The following BBS9 variants were observed in gnomAD, a reference collection of about 807,000 sequenced individuals.
The protein encoded by BBS9 is Bardet-Biedl syndrome 9.
BBS9 carries 89 observed loss-of-function variants against 117.7 expected under a neutral mutation model. That is an observed-to-expected ratio of 0.76 (90% CI 0.64 to 0.90). The LOEUF (loss-of-function observed/expected upper bound fraction) is 0.90, where lower values mean the gene tolerates loss of function less well. Ranked by LOEUF, BBS9 falls within the 40% of genes least tolerant of loss-of-function variation. The probability of loss-of-function intolerance (pLI) is 0.00; values close to 1 mark genes in which losing one functional copy is unlikely to be tolerated. For missense variants in BBS9, 982 were observed against 1,042.2 expected (o/e 0.94, Z 0.80); for synonymous variants, 379 against 370.9 (o/e 1.02, Z -0.25).
At position 33,336,619 on chromosome 7, in the gene BBS9, C is replaced by A. The variant is rs762425767; in HGVS notation, c.1195C>A (p.Gln399Lys). Residue 399 changes from glutamine to lysine, a missense_variant, in exon 10 of 23, where the codon CAA becomes AAA. Coordinates refer to ENST00000242067, the MANE Select transcript of BBS9 (RefSeq NM_198428.3). ...AATCATCAAAGATGTTAACAAATCA[C>A]AAGGTATCTCATTTGCAGCTTTTTA... is the stretch of plus-strand genomic sequence containing the variant. ...QKIIKDVNKS[Q>K]GVWPMTERED... 3 of 1,596,780 alleles carry A rather than the reference C, an allele frequency of 1.9e-6. No homozygotes were observed. The South Asian group carries it at 3.3e-5, about 18-fold the overall frequency.
At chr7:33,455,998 G>A (rs528074498) in intron 19 of BBS9, among the ~76,000 whole-genome samples, 11 of 152,266 alleles carry the variant, frequency 7.2e-5, no homozygotes, top group Non-Finnish European at 1.5e-4. Flanking sequence ...TATTGTGCTG[G>A]GGAAAAATTA....
chr7:33,559,468 A>T (rs1205594573), intron 21 of BBS9, among the ~76,000 whole-genome samples: 1 of 152,158 alleles, frequency 6.6e-6, no homozygotes, highest in Non-Finnish European at 1.5e-5. Flanking sequence ...GCTGTTGGGC[A>T]TAGAAGCAGG....
intron 17 of BBS9, among the ~76,000 whole-genome samples, chr7:33,373,843 A>G (rs1289578590): frequency 6.6e-6 from 1 of 152,178 alleles, no homozygotes; most frequent in African/African-American, 2.4e-5. Flanking sequence ...TTGTAGTCAC[A>G]TATGTGAAAA....
chr7:33,521,566 T>A (rs994440745), intron 20 of BBS9, among the ~76,000 whole-genome samples: 1 of 152,188 alleles, frequency 6.6e-6, no homozygotes, highest in South Asian at 2.1e-4. Flanking sequence ...GTAGATTACA[T>A]GTGGAATTTT....
At chr7:33,182,049 T>G (rs1798176476) in intron 5 of BBS9, among the ~76,000 whole-genome samples, 1 of 152,156 alleles carries the variant, frequency 6.6e-6, no homozygotes, top group South Asian at 2.1e-4. Flanking sequence ...ATCGCACCAC[T>G]GCACTCCAGC....
intron 20 of BBS9, among the ~76,000 whole-genome samples, chr7:33,515,406 C>A (rs1189958034): frequency 6.6e-6 from 1 of 152,190 alleles, no homozygotes; most frequent in Non-Finnish European, 1.5e-5. Context: ...TGTACTATAA[C>A]GAGCATTGTT....
rs370794647 is a variant in BBS9 at position 33,543,582 on chromosome 7, A to C, written c.2521+9406A>C. Among the ~76,000 whole-genome samples the C allele has an allele frequency of 3.0e-4, 45 of 152,312 alleles. No individual in the cohort carries two copies. In the South Asian group the frequency reaches 4.1e-3, roughly 14 times the overall value. ...CTGAGAAATCTGCTATTAATTTGAT[A>C]GGTTTTCCTTTATAGGTTACCTGGT... On this transcript the variant is annotated intron_variant, in intron 21 of 22. Coordinates refer to ENST00000242067, the MANE Select transcript of BBS9 (RefSeq NM_198428.3).
At chr7:33,173,650 AG>A (rs1260935611) in intron 4 of BBS9, among the ~76,000 whole-genome samples, 1 of 151,752 alleles carries the variant, frequency 6.6e-6, no homozygotes, top group Non-Finnish European at 1.5e-5. Context: ...CTATTTGGGG[AG>A]CCATCATTTT....
At chr7:33,291,979 T>C (rs1804140733) in intron 9 of BBS9, among the ~76,000 whole-genome samples, 6 of 152,206 alleles carry the variant, frequency 3.9e-5, no homozygotes, top group Admixed American at 3.9e-4. Flanking sequence ...AATTGGCTTA[T>C]AGAAAGATGT....
chr7:33,166,861 G>A (rs1268912830), intron 4 of BBS9, among the ~76,000 whole-genome samples: 2 of 152,170 alleles, frequency 1.3e-5, no homozygotes, highest in East Asian at 3.9e-4. Flanking sequence ...GCCCCACCCT[G>A]CTTTACCTCA....
chr7:33,317,473 A>G (rs146457886), intron 9 of BBS9, among the ~76,000 whole-genome samples: 220 of 150,242 alleles, frequency 1.5e-3, no homozygotes, highest in African/African-American at 5.1e-3. Flanking sequence ...TAACAATATT[A>G]AGTCTTTAAG....
chr7:33,616,058 T>C (rs1450087847), intron 21 of BBS9, among the ~76,000 whole-genome samples: 1 of 151,954 alleles, frequency 6.6e-6, no homozygotes, highest in Non-Finnish European at 1.5e-5. Context: ...AAAGAAGTGA[T>C]TCAGAGAAAA....
Position 33,527,349 on chromosome 7 carries a change from C to A in BBS9, c.2299-6605C>A, listed in dbSNP as rs899719470. On this transcript the variant is annotated intron_variant, in intron 20 of 22. Coordinates refer to ENST00000242067, the MANE Select transcript of BBS9 (RefSeq NM_198428.3). ...ATGGTGGGCGCCCCTCCCCCAGCCTCGCTGCCGCCTTGCAGTGTGATCTCA... is the reference window on the plus strand; with the variant it reads ...ATGGTGGGCGCCCCTCCCCCAGCCTAGCTGCCGCCTTGCAGTGTGATCTCA... Among the ~76,000 whole-genome samples the A allele has an allele frequency of 8.5e-5, 13 of 152,102 alleles. 1 individual carries two copies. Among genetic ancestry groups the A allele is most frequent in the Non-Finnish European group, 1.9e-4 (13 of 68,002 alleles).
chr7:33,257,595 G>A (rs1333028842), intron 6 of BBS9, among the ~76,000 whole-genome samples, 185 bp downstream of exon 6: 1 of 152,180 alleles, frequency 6.6e-6, no homozygotes, highest in Non-Finnish European at 1.5e-5. Context: ...GCAATATAGT[G>A]CAGTGGTTTG....
intron 21 of BBS9, among the ~76,000 whole-genome samples, chr7:33,551,959 A>ATT (rs1854494191): frequency 6.6e-6 from 1 of 152,124 alleles, no homozygotes; most frequent in African/African-American, 2.4e-5. Context: ...TAGTAATATT[A>ATT]TTGGAGTACC....
At chr7:33,274,425 G>A (rs1430824675) in intron 9 of BBS9, among the ~76,000 whole-genome samples, 1 of 152,102 alleles carries the variant, frequency 6.6e-6, no homozygotes, top group African/African-American at 2.4e-5. Flanking sequence ...GATTTTAAGT[G>A]GGGCTACTTT....
rs887310234 is a variant in BBS9 at position 33,495,789 on chromosome 7, C to T, written c.2116-9674C>T. On this transcript the variant is annotated intron_variant, in intron 19 of 22. Transcript: ENST00000242067. ...TTTATATTAGCCAAGCATTGGAGTT[C>T]GTTTCCTTTCAACTGATTAAGTTAC... is the stretch of plus-strand genomic sequence containing the variant. 2.0e-5 allele frequency among the ~76,000 whole-genome samples: 3 copies of T among 152,034 alleles called. No individual in the cohort carries two copies. The South Asian group carries it at 6.2e-4, about 32-fold the overall frequency.
intron 15 of BBS9, 64 bp downstream of exon 15, chr7:33,352,937 G>A: frequency 2.0e-6 from 3 of 1,517,894 alleles, no homozygotes; most frequent in Non-Finnish European, 2.7e-6. Flanking sequence ...AATTGAATTG[G>A]TATTATACCA....
intron 21 of BBS9, among the ~76,000 whole-genome samples, chr7:33,566,590 A>T (rs980393819): frequency 3.3e-5 from 5 of 152,076 alleles, no homozygotes; most frequent in Admixed American, 6.6e-5. Flanking sequence ...GGTAGAGATA[A>T]AAGATTTAGT....
Sources: gnomAD v4.1 joint callset for allele counts (sites outside exome capture counted in the v4.1 genomes callset) on GRCh38, gnomAD v4.1.1 for gene constraint, MANE v1.5 for transcripts, NCBI Gene and HGNC (gene_info 2026-07-23, HGNC 2026-07-21) for gene names.